HNRNPH3: variants seen among roughly 807,000 people sequenced by gnomAD.
The protein encoded by HNRNPH3 is heterogeneous nuclear ribonucleoprotein H3, also known as heterogeneous nuclear ribonucleoprotein 2H9.
A neutral mutation model predicts 47.0 loss-of-function variants in HNRNPH3; 7 were observed. The observed-to-expected ratio is 0.15, with a 90% CI of 0.08 to 0.28. The LOEUF (loss-of-function observed/expected upper bound fraction) is 0.28. Among genes scored for constraint, HNRNPH3 ranks in the 10% least tolerant of loss-of-function variants. HNRNPH3 has a pLI of 1.00. For missense variants in HNRNPH3, 279 were observed against 449.6 expected, an observed-to-expected ratio of 0.62 and a Z score of 3.43; for synonymous variants, 120 against 143.2, an observed-to-expected ratio of 0.84 and a Z score of 1.16.
chr10:68,333,246 C>T (rs1169666546), intron 1 of HNRNPH3, among the ~76,000 whole-genome samples: 1 of 145,070 alleles, frequency 6.9e-6, no homozygotes, highest in Non-Finnish European at 1.5e-5. Context: ...GTCGTCTGGG[C>T]CCAGTGAACT....
chr10:68,335,794 C>G (rs1395218862), intron 1 of HNRNPH3, among the ~76,000 whole-genome samples: 1 of 152,122 alleles, frequency 6.6e-6, no homozygotes, highest in Non-Finnish European at 1.5e-5. Flanking sequence ...TGAAGAGGCT[C>G]AGAGGTAAAG....
chr10:68,336,193 AG>A (rs2045536321), intron 1 of HNRNPH3, among the ~76,000 whole-genome samples: 1 of 152,172 alleles, frequency 6.6e-6, no homozygotes, highest in Non-Finnish European at 1.5e-5. Context: ...GGAGGTGGTG[AG>A]GGAAAGGTTT....
At chr10:68,335,235 C>CTT (rs72408822) in intron 1 of HNRNPH3, among the ~76,000 whole-genome samples, 17 of 136,778 alleles carry the variant, frequency 1.2e-4, no homozygotes, top group African/African-American at 2.9e-4. Context: ...TTTTTCTTTT[C>CTT]TTTTTTTTTT....
intron 4 of HNRNPH3, 88 bp from the exon 5 acceptor site, chr10:68,339,052 C>T: frequency 5.7e-6 from 6 of 1,055,782 alleles, no homozygotes; most frequent in Non-Finnish European, 7.0e-6. Context: ...GTTACACAGA[C>T]TGTTACCACA....
intron 6 of HNRNPH3, 91 bp from the exon 7 acceptor site, chr10:68,341,081 GTT>G: frequency 2.3e-6 from 2 of 862,132 alleles, no homozygotes; most frequent in Non-Finnish European, 3.5e-6. Flanking sequence ...CAGTGGAAGG[GTT>G]TGTTTTAATT....
In HNRNPH3 at chr10:68,339,198, C is replaced by G. The variant is rs1189791251; in HGVS notation, c.495C>G (p.Gly165=). 3 of 1,604,756 alleles carry G rather than the reference C, an allele frequency of 1.9e-6. No individual in the cohort carries two copies. The highest frequency in any genetic ancestry group is 2.6e-6 in the Non-Finnish European group (3 of 1,171,848). Residue 165 remains glycine (G), a synonymous_variant, in exon 5 of 10, where the codon GGC becomes GGG. Transcript: ENST00000265866. ...ATAATTACGGCTATGGGAATGATGG[C>G]TTTGATGACAGAATGAGAGATGGAA... ...GYNNYGYGND[G]FDDRMRDGRG...
chr10:68,339,509 A>G lies in HNRNPH3; in HGVS notation c.593A>G (p.His198Arg), dbSNP rs1244164312. The change falls in exon 6 of 10, where the codon CAT becomes CGT. Residue 198 changes from histidine (H) to arginine (R), a missense_variant. Around this residue, in one of 2 missense-constraint regions of HNRNPH3, gnomAD observed 239 missense variants for 335.8 expected, o/e 0.71. Coordinates refer to ENST00000265866, the MANE Select transcript of HNRNPH3 (RefSeq NM_012207.3). Reference sequence around the variant, plus strand: ...GGTTTTCATGGTGGTCATTTCGTACATATGAGAGGGTTGCCTTTTCGTGCA... The same window carrying G: ...GGTTTTCATGGTGGTCATTTCGTACGTATGAGAGGGTTGCCTTTTCGTGCA... ...SSGFHGGHFV[H>R]MRGLPFRATE... 1.9e-6 allele frequency: 3 copies of G among 1,613,966 alleles called. No homozygotes were observed. The highest frequency in any genetic ancestry group is 2.5e-6 in the Non-Finnish European group (3 of 1,179,970).
At chr10:68,333,394 A>ATG (rs1483085020) in intron 1 of HNRNPH3, among the ~76,000 whole-genome samples, 1 of 152,102 alleles carries the variant, frequency 6.6e-6, no homozygotes, top group Non-Finnish European at 1.5e-5. Context: ...GTGATGGTAG[A>ATG]TGTGTGTGTA....
chr10:68,342,256 A>C lies in HNRNPH3; in HGVS notation c.*202A>C, dbSNP rs946661785. On this transcript the variant is annotated 3_prime_UTR_variant, in exon 10 of 10. Coordinates refer to ENST00000265866, the MANE Select transcript of HNRNPH3 (RefSeq NM_012207.3). ...TGTTGCATACTTTGACTTAAAAATA[A>C]ATTTTTATATTCAAACCACTGATGT... 8 of 488,230 alleles carry C rather than the reference A, an allele frequency of 1.6e-5. No homozygotes were observed. Among genetic ancestry groups the C allele is most frequent in the African/African-American group, 1.2e-4 (6 of 49,966 alleles). 30.2% of individuals were successfully genotyped at this position (488,230 alleles called of 1,614,324 possible).
chr10:68,340,484 G>A (rs1034554279), intron 6 of HNRNPH3, among the ~76,000 whole-genome samples: 5 of 152,190 alleles, frequency 3.3e-5, no homozygotes, highest in Non-Finnish European at 7.3e-5. Flanking sequence ...TTTGTTAGGA[G>A]GTCAGCAAAC....
chr10:68,340,897 C>T lies in HNRNPH3; in HGVS notation c.640-277C>T, dbSNP rs902071860. Among the ~76,000 whole-genome samples the T allele has an allele frequency of 2.0e-5, 3 of 151,800 alleles. 1 individual carries two copies. The highest frequency in any genetic ancestry group is 2.0e-4 in the Admixed American group (3 of 15,254). On this transcript the variant is annotated intron_variant, in intron 6 of 9. Transcript: ENST00000265866. ...TGCTTACTGCAGCTCCCACCTCCTG[C>T]GTTCAAGCGATTCTCTGTCTCAGCC... is the stretch of plus-strand genomic sequence containing the variant.
chr10:68,332,623 C>G (rs1244722288), intron 1 of HNRNPH3, among the ~76,000 whole-genome samples: 3 of 152,068 alleles, frequency 2.0e-5, no homozygotes, highest in Non-Finnish European at 4.4e-5. Flanking sequence ...TCAAAGCTCC[C>G]TGGAAGGGAT....
upstream of HNRNPH3, chr10:68,331,916 T>G (rs960122897): frequency 2.0e-5 from 3 of 152,318 alleles, no homozygotes; most frequent in Admixed American, 6.5e-5. Flanking sequence ...CCCCAACAGC[T>G]GCGCAACCCA....
intron 1 of HNRNPH3, among the ~76,000 whole-genome samples, chr10:68,333,258 T>TA (rs2134630352): frequency 6.7e-6 from 1 of 148,320 alleles, no homozygotes; most frequent in South Asian, 2.2e-4. Flanking sequence ...CAGTGAACTA[T>TA]AATTGTTGCT....
At chr10:68,336,606 T>G (rs1427013354) in intron 1 of HNRNPH3, among the ~76,000 whole-genome samples, 1 of 152,192 alleles carries the variant, frequency 6.6e-6, no homozygotes, top group Admixed American at 6.5e-5. Flanking sequence ...TTGCTCTTGG[T>G]GAGTTTAAAC....
intron 1 of HNRNPH3, chr10:68,332,934 C>T (rs1327353008): frequency 2.0e-5 from 3 of 152,170 alleles, no homozygotes; most frequent in Non-Finnish European, 4.4e-5. Context: ...ATTCTGCCGC[C>T]CGGTGGCGAA....
At chr10:68,332,338 C>G (rs1439308678) in intron 1 of HNRNPH3, 122 bp downstream of exon 1, 1 of 152,114 alleles carries the variant, frequency 6.6e-6, no homozygotes, top group Non-Finnish European at 1.5e-5. Flanking sequence ...CGGAGGCCGC[C>G]GCTTGGAAGC....
Position 68,337,230 on chromosome 10 carries a change from G to C in HNRNPH3, c.9G>C (p.Trp3Cys). MDWVMKHNGPNDA... is the reference protein window; with the variant it reads MDCVMKHNGPNDA... ...AATCAAACGGTATTGAGATGGATTG[G>C]GTTATGAAACATAATGGTCCAAATG... is the stretch of plus-strand genomic sequence containing the variant. Residue 3 changes from tryptophan (W) to cysteine (C), a missense_variant, in exon 2 of 10, where the codon TGG (tryptophan) becomes TGC (cysteine). By Grantham distance (215) the Trp-to-Cys change is radical. Around this residue, in one of 2 missense-constraint regions of HNRNPH3, gnomAD observed 40 missense variants for 113.8 expected, o/e 0.35. Transcript: ENST00000265866. The surrounding 1 kb of genome is among the most constrained non-coding windows in gnomAD (Gnocchi z 4.5). 6.3e-7 allele frequency: 1 copy of C among 1,599,544 alleles called. No homozygotes were observed. Among genetic ancestry groups the C allele is most frequent in the Non-Finnish European group, 8.6e-7 (1 of 1,167,074 alleles).
At chr10:68,341,880 G>C in intron 9 of HNRNPH3, 29 bp downstream of exon 9, 1 of 1,594,158 alleles carries the variant, frequency 6.3e-7, no homozygotes. Context: ...GTTTGTGTTA[G>C]TCCGCATATG....
Sources: allele counts gnomAD v4.1 joint callset (sites outside exome capture counted in the v4.1 genomes callset), GRCh38; gene constraint gnomAD v4.1.1; regional missense constraint gnomAD v4.1.1; non-coding constraint Gnocchi (gnomAD v3.1); transcripts MANE v1.5; gene names NCBI Gene and HGNC (gene_info 2026-07-23, HGNC 2026-07-21).